PKHD1: variants seen among roughly 807,000 people sequenced by gnomAD.
The protein encoded by PKHD1 is fibrocystin.
PKHD1 carries 291 observed loss-of-function variants against 412.0 expected under a neutral mutation model. That is an observed-to-expected ratio of 0.71 (90% CI 0.64 to 0.78). PKHD1 has a LOEUF of 0.78. PKHD1 is among the 30% of genes least tolerant of loss of function. The pLI is 0.00. For synonymous variants in PKHD1, 1,777 were observed against 1,821.5 expected, an observed-to-expected ratio of 0.98 and a Z score of 0.62; for missense variants, 4,825 against 4,950.7, an observed-to-expected ratio of 0.97 and a Z score of 0.76.
chr6:51,721,068 C>A, intron 60 of PKHD1: 3 of 984,032 alleles, frequency 3.0e-6, no homozygotes, highest in Non-Finnish European at 3.6e-6. Flanking sequence ...GGAACCAATT[C>A]CTCAAATCAC....
At chr6:52,062,175 A>G (rs1268629199) in intron 14 of PKHD1, among the ~76,000 whole-genome samples, 1 of 152,188 alleles carries the variant, frequency 6.6e-6, no homozygotes, top group African/African-American at 2.4e-5. Context: ...TTTGGCATCA[A>G]CCAGATGTTA....
chr6:51,766,947 C>T (rs981168731), intron 55 of PKHD1, among the ~76,000 whole-genome samples: 1 of 152,018 alleles, frequency 6.6e-6, no homozygotes, highest in Non-Finnish European at 1.5e-5. Context: ...CTTTAAATTA[C>T]ATGTTTACTT....
At chr6:51,905,045 C>T (rs538758510) in intron 41 of PKHD1, among the ~76,000 whole-genome samples, 1 of 152,288 alleles carries the variant, frequency 6.6e-6, no homozygotes, top group Non-Finnish European at 1.5e-5. Flanking sequence ...TCTCACTAGA[C>T]AGTTTCCATC....
intron 53 of PKHD1, among the ~76,000 whole-genome samples, chr6:51,783,818 C>T (rs1037169507): frequency 5.3e-5 from 8 of 152,176 alleles, no homozygotes; most frequent in Middle Eastern, 3.2e-3. Context: ...TCCTACAACA[C>T]ATCAACTTTT....
chr6:52,055,880 C>T, intron 18 of PKHD1, 151 bp from the exon 19 acceptor site: 1 of 736,864 alleles, frequency 1.4e-6, no homozygotes, highest in Non-Finnish European at 2.2e-6. Context: ...GTAAGTAACT[C>T]AACCTCTCTG....
chr6:51,674,025 G>T (rs1775445140), intron 60 of PKHD1, among the ~76,000 whole-genome samples: 2 of 152,172 alleles, frequency 1.3e-5, no homozygotes, highest in African/African-American at 4.8e-5. Context: ...GAGAGTGGTA[G>T]ACATGTAGGT....
In PKHD1 at chr6:51,753,279, G is replaced by C; in HGVS notation, c.8872C>G (p.Gln2958Glu). ...CTACATGATACGTCAGGCTGAATTTGTATATTTCGGGTCAACAGTCCAACC... is the reference window on the plus strand; with the variant it reads ...CTACATGATACGTCAGGCTGAATTTCTATATTTCGGGTCAACAGTCCAACC... ...AEVGLLTRNI[Q>E]IQPDVSCRGR... Residue 2958 changes from glutamine (Q) to glutamate (E), a missense_variant, in exon 57 of 67, where the codon CAA becomes GAA. Transcript: ENST00000371117. 6.2e-7 allele frequency: 1 copy of C among 1,613,530 alleles called. No individual in the cohort carries two copies. The highest frequency in any genetic ancestry group is 8.5e-7 in the Non-Finnish European group (1 of 1,179,604).
intron 36 of PKHD1, among the ~76,000 whole-genome samples, chr6:51,955,361 A>C (rs942764736): frequency 2.0e-5 from 3 of 152,098 alleles, no homozygotes; most frequent in Non-Finnish European, 2.9e-5. Flanking sequence ...GTTGGGAGTC[A>C]GTACATATAG....
At chr6:51,885,114 T>C (rs9296666) in intron 45 of PKHD1, among the ~76,000 whole-genome samples, 61,826 of 151,960 alleles carry the variant, frequency 0.41, 13,814 homozygotes, top group East Asian at 0.86. Context: ...ATATCTTATG[T>C]TCCAGATTTC....
At chr6:51,764,084 A>G (rs1049168151) in intron 55 of PKHD1, among the ~76,000 whole-genome samples, 11 of 146,344 alleles carry the variant, frequency 7.5e-5, no homozygotes, top group African/African-American at 1.8e-4. Flanking sequence ...ATATCTCCCA[A>G]TGCTATCCCT....
In PKHD1 at chr6:51,791,376, G is replaced by A. The variant is rs1031031264; in HGVS notation, c.8303-3C>T. 6.2e-7 allele frequency: 1 copy of A among 1,613,396 alleles called. No individual in the cohort carries two copies. Among genetic ancestry groups the A allele is most frequent in the South Asian group, 1.1e-5 (1 of 91,074 alleles). On this transcript the variant is annotated splice_region_variant and splice_polypyrimidine_tract_variant and intron_variant, in intron 52 of 66. Coordinates refer to ENST00000371117, the MANE Select transcript of PKHD1 (RefSeq NM_138694.4). Reference sequence around the variant, plus strand: ...TGTATCCACAAGGACAGTTCTGTCTGTGGAAGAAAAAGAAATTGCTCAGAT... The same window carrying A: ...TGTATCCACAAGGACAGTTCTGTCTATGGAAGAAAAAGAAATTGCTCAGAT...
chr6:51,977,332 C>T (rs1024831155), intron 35 of PKHD1, among the ~76,000 whole-genome samples: 6 of 152,214 alleles, frequency 3.9e-5, no homozygotes, highest in South Asian at 2.1e-4. Flanking sequence ...TACCTGTCCA[C>T]GCTACTCCCC....
rs1272727500 is a variant in PKHD1 at position 51,912,631 on chromosome 6, G to A, written c.6122-55C>T. On this transcript the variant is annotated intron_variant, in intron 37 of 66. Coordinates refer to ENST00000371117, the MANE Select transcript of PKHD1 (RefSeq NM_138694.4). ...ATAATTTAATCATTAATCAAAACGT[G>A]ATTAATTTAATCATTAATAAATGTG... 5.1e-6 allele frequency: 6 copies of A among 1,169,126 alleles called. No individual in the cohort carries two copies. In the African/African-American group the frequency reaches 9.1e-5, roughly 18 times the overall value. 72.4% of individuals were successfully genotyped at this position (1,169,126 alleles called of 1,614,324 possible).
At chr6:51,678,592 A>T (rs1055017186) in intron 60 of PKHD1, among the ~76,000 whole-genome samples, 8 of 152,136 alleles carry the variant, frequency 5.3e-5, no homozygotes, top group Non-Finnish European at 1.0e-4. Context: ...TATCAGCAAG[A>T]AAGAAATGCA....
intron 63 of PKHD1, among the ~76,000 whole-genome samples, chr6:51,643,989 T>C (rs1386547360): frequency 2.0e-5 from 3 of 152,000 alleles, no homozygotes; most frequent in African/African-American, 7.2e-5. Flanking sequence ...AAAGTCAAAT[T>C]GAAAAGAGAG....
chr6:52,028,800 C>T (rs1403121975), intron 29 of PKHD1, among the ~76,000 whole-genome samples: 1 of 152,220 alleles, frequency 6.6e-6, no homozygotes, highest in Admixed American at 6.5e-5. Context: ...GGGTAAGCCA[C>T]CTTGCCTGGC....
intron 21 of PKHD1, among the ~76,000 whole-genome samples, chr6:52,051,737 G>A (rs1806873076): frequency 6.6e-6 from 1 of 152,204 alleles, no homozygotes; most frequent in African/African-American, 2.4e-5. Flanking sequence ...CCAGTCCTGA[G>A]TTTTCCAACT....
intron 55 of PKHD1, among the ~76,000 whole-genome samples, chr6:51,763,520 T>C (rs983108322): frequency 1.3e-5 from 2 of 152,146 alleles, no homozygotes; most frequent in Non-Finnish European, 2.9e-5. Context: ...AAGTTTCTTA[T>C]TGATCCTTGT....
intron 37 of PKHD1, among the ~76,000 whole-genome samples, chr6:51,917,287 T>C (rs1783981021): frequency 6.6e-6 from 1 of 151,982 alleles, no homozygotes; most frequent in African/African-American, 2.4e-5. Context: ...CAAAAAAAAC[T>C]AGAAATATTG....
Sources: allele counts gnomAD v4.1 joint callset (sites outside exome capture counted in the v4.1 genomes callset), GRCh38; gene constraint gnomAD v4.1.1; transcripts MANE v1.5; gene names NCBI Gene and HGNC (gene_info 2026-07-23, HGNC 2026-07-21).